Variants in SLC38A12 observed in about 807,000 individuals in gnomAD.
SLC38A12 encodes solute carrier family 38 member 12.
At chr17:74,829,662 T>C in the SLC38A12 span, among the ~76,000 whole-genome samples, 1 of 152,122 alleles carries the variant, frequency 6.6e-6, no homozygotes, top group Non-Finnish European at 1.5e-5. The surrounding 1 kb of genome is among the most constrained non-coding windows in gnomAD (Gnocchi z 4.1). Flanking sequence ...CAAGACGGAC[T>C]CAGTGCCTCA....
chr17:74,822,954 T>G, the SLC38A12 span, among the ~76,000 whole-genome samples: 3 of 152,320 alleles, frequency 2.0e-5, no homozygotes, highest in Admixed American at 6.5e-5. Flanking sequence ...GTTTCTCGCC[T>G]CTGGGCCAAG....
the SLC38A12 span, among the ~76,000 whole-genome samples, chr17:74,782,074 G>A: frequency 3.9e-5 from 6 of 152,056 alleles, no homozygotes; most frequent in Admixed American, 3.3e-4. Context: ...GCTTCATAAC[G>A]CCTCTCTCAA....
the SLC38A12 span, chr17:74,788,883 C>T: frequency 6.2e-7 from 1 of 1,610,494 alleles, no homozygotes; most frequent in Non-Finnish European, 8.5e-7. Context: ...GTGTGTGTTG[C>T]CCTCGTCTCC....
the SLC38A12 span, among the ~76,000 whole-genome samples, chr17:74,802,987 G>A: frequency 6.6e-6 from 1 of 152,068 alleles, no homozygotes; most frequent in Admixed American, 6.6e-5. Flanking sequence ...GATGGGAAAT[G>A]ATCTGTTGCC....
the SLC38A12 span, among the ~76,000 whole-genome samples, chr17:74,807,122 C>T: frequency 1.3e-5 from 2 of 151,412 alleles, no homozygotes; most frequent in African/African-American, 2.4e-5. Context: ...CACCCCACCC[C>T]GCCAGTGTCA....
At chr17:74,785,294 A>G in the SLC38A12 span, among the ~76,000 whole-genome samples, 1 of 152,318 alleles carries the variant, frequency 6.6e-6, no homozygotes, top group East Asian at 1.9e-4. Context: ...TTTGGTTAAC[A>G]GGCTCTGTGG....
At chr17:74,822,191 G>T in the SLC38A12 span, among the ~76,000 whole-genome samples, 1 of 152,224 alleles carries the variant, frequency 6.6e-6, no homozygotes. Flanking sequence ...TCAGTCAGAG[G>T]AGAAGCCAAA....
chr17:74,815,363 G>T, the SLC38A12 span, among the ~76,000 whole-genome samples: 1 of 152,216 alleles, frequency 6.6e-6, no homozygotes, highest in African/African-American at 2.4e-5. Context: ...TGACAGATCT[G>T]CAGGCAGAGG....
At chr17:74,800,131 C>A in the SLC38A12 span, among the ~76,000 whole-genome samples, 1 of 152,258 alleles carries the variant, frequency 6.6e-6, no homozygotes, top group South Asian at 2.1e-4. Flanking sequence ...CCTGGTGACA[C>A]AGGCTTGCTC....
chr17:74,805,538 G>A, the SLC38A12 span, among the ~76,000 whole-genome samples: 1 of 152,332 alleles, frequency 6.6e-6, no homozygotes, highest in East Asian at 1.9e-4. The surrounding 1 kb of genome is among the most constrained non-coding windows in gnomAD (Gnocchi z 5.0). Context: ...CTGGGGGCTT[G>A]CTGATGTCAC....
chr17:74,807,597 C>G, the SLC38A12 span, among the ~76,000 whole-genome samples: 1 of 152,258 alleles, frequency 6.6e-6, no homozygotes, highest in Non-Finnish European at 1.5e-5. Context: ...GCTGCCAGGA[C>G]AAGCTTCCCC....
the SLC38A12 span, chr17:74,835,902 G>T: frequency 6.3e-7 from 1 of 1,579,708 alleles, no homozygotes. Flanking sequence ...TCCCCACCAG[G>T]TGACTCCTCT....
chr17:74,813,596 G>T, the SLC38A12 span, among the ~76,000 whole-genome samples: 30 of 152,264 alleles, frequency 2.0e-4, 1 homozygote, highest in East Asian at 5.8e-3. Flanking sequence ...TGCCTCCCGG[G>T]TTCAAGCCGT....
chr17:74,801,968 G>A, the SLC38A12 span, among the ~76,000 whole-genome samples: 11 of 152,122 alleles, frequency 7.2e-5, no homozygotes, highest in African/African-American at 1.9e-4. Context: ...CAGGGACAGC[G>A]TGAACCCCCA....
At chr17:74,782,964 C>G in the SLC38A12 span, among the ~76,000 whole-genome samples, 1 of 152,118 alleles carries the variant, frequency 6.6e-6, no homozygotes. Flanking sequence ...AACGCTGTCT[C>G]TACTAAAACT....
chr17:74,835,587 C>G, the SLC38A12 span, among the ~76,000 whole-genome samples: 2 of 152,186 alleles, frequency 1.3e-5, no homozygotes, highest in African/African-American at 2.4e-5. Flanking sequence ...GATGAGGGAG[C>G]CAGGCAGTGC....
At chr17:74,799,032 C>G in the SLC38A12 span, among the ~76,000 whole-genome samples, 1 of 68 alleles carries the variant, frequency 0.015, no homozygotes, top group African/African-American at 0.036. Flanking sequence ...TGTCACTCTC[C>G]CCCTGGGATC....
the SLC38A12 span, chr17:74,819,739 C>T: frequency 6.2e-7 from 1 of 1,613,880 alleles, no homozygotes; most frequent in Admixed American, 1.7e-5. Flanking sequence ...ACTCTTGTTT[C>T]CATCCCCCAG....
chr17:74,830,556 T>C, the SLC38A12 span, among the ~76,000 whole-genome samples: 3 of 152,234 alleles, frequency 2.0e-5, no homozygotes, highest in African/African-American at 7.2e-5. Flanking sequence ...CATATCTTGA[T>C]GTGAAATTGC....
Sources: allele counts gnomAD v4.1 joint callset (sites outside exome capture counted in the v4.1 genomes callset), GRCh38; gene constraint gnomAD v4.1.1; non-coding constraint Gnocchi (gnomAD v3.1); transcripts MANE v1.5; gene names NCBI Gene and HGNC (gene_info 2026-07-23, HGNC 2026-07-21).